Variants in NT5DC1 observed in about 807,000 individuals in gnomAD.
The protein encoded by NT5DC1 is 5'-nucleotidase domain-containing protein 1.
In NT5DC1, 42 loss-of-function variants were observed where a neutral mutation model predicts 59.4. The observed-to-expected ratio is 0.71, with a 90% CI of 0.55 to 0.92. The LOEUF (loss-of-function observed/expected upper bound fraction) is 0.92. Ranked by LOEUF, NT5DC1 falls within the 40% of genes least tolerant of loss-of-function variation. The pLI is 0.00. For synonymous variants in NT5DC1, 172 were observed against 188.1 expected, an observed-to-expected ratio of 0.91 and a Z score of 0.70; for missense variants, 501 against 537.1, an observed-to-expected ratio of 0.93 and a Z score of 0.66.
chr6:116,121,885 A>G, intron 6 of NT5DC1: 1 of 1,613,962 alleles, frequency 6.2e-7, no homozygotes, highest in Non-Finnish European at 8.5e-7. Flanking sequence ...CTGGTGGTCC[A>G]GAAGGACCTG....
Position 116,115,706 on chromosome 6 carries a change from A to G in NT5DC1, c.380A>G (p.Tyr127Cys). 6.3e-7 allele frequency: 1 copy of G among 1,595,082 alleles called. No individual in the cohort carries two copies. The highest frequency in any genetic ancestry group is 8.6e-7 in the Non-Finnish European group (1 of 1,162,842). ...MACRSGKYYF[Y>C]DNYFDLPGAL... is the part of the protein sequence containing the mutation. Reference sequence around the variant, plus strand: ...TCTTTTTTAGGAAAGTATTACTTTTACGACAACTACTTTGACCTGCCAGGA... The same window carrying G: ...TCTTTTTTAGGAAAGTATTACTTTTGCGACAACTACTTTGACCTGCCAGGA... The change falls in exon 5 of 12, where the codon TAC becomes TGC. Residue 127 changes from tyrosine to cysteine, a missense_variant. Transcript: ENST00000319550.
chr6:116,226,663 C>T (rs187486871), intron 8 of NT5DC1, among the ~76,000 whole-genome samples: 2 of 152,014 alleles, frequency 1.3e-5, no homozygotes, highest in African/African-American at 4.8e-5. Flanking sequence ...AAATATTATA[C>T]TCATCAAAAG....
chr6:116,157,157 A>G (rs1780216756), intron 6 of NT5DC1, among the ~76,000 whole-genome samples: 1 of 152,156 alleles, frequency 6.6e-6, no homozygotes, highest in Non-Finnish European at 1.5e-5. Flanking sequence ...CTTTGGTAAT[A>G]TGTGTATCCC....
At chr6:116,167,259 C>T (rs1780491425) in intron 6 of NT5DC1, among the ~76,000 whole-genome samples, 1 of 125,602 alleles carries the variant, frequency 8.0e-6, no homozygotes, top group Admixed American at 1.0e-4. Flanking sequence ...TGTCGCCAGG[C>T]TGGAGTGCAG....
At chr6:116,137,686 A>G (rs1270261305) in intron 6 of NT5DC1, 1 of 166,704 alleles carries the variant, frequency 6.0e-6, no homozygotes, top group Non-Finnish European at 1.3e-5. Flanking sequence ...AAATGCTATT[A>G]TTTACTGAAC....
chr6:116,232,424 G>A (rs1057457891), intron 8 of NT5DC1, among the ~76,000 whole-genome samples: 1 of 151,704 alleles, frequency 6.6e-6, no homozygotes, highest in Admixed American at 6.6e-5. Context: ...ACTCATATTC[G>A]TATTTGCTTT....
At chr6:116,217,672 C>T (rs1781713270) in intron 6 of NT5DC1, among the ~76,000 whole-genome samples, 1 of 151,890 alleles carries the variant, frequency 6.6e-6, no homozygotes, top group Admixed American at 6.6e-5. Flanking sequence ...CATACTCTTG[C>T]CTTGAATGTA....
At chr6:116,216,320 A>G (rs1781686687) in intron 6 of NT5DC1, among the ~76,000 whole-genome samples, 1 of 151,000 alleles carries the variant, frequency 6.6e-6, no homozygotes, top group Admixed American at 6.6e-5. Context: ...TCTGGTTTTT[A>G]TATTTTATAT....
intron 6 of NT5DC1, among the ~76,000 whole-genome samples, chr6:116,133,962 C>G (rs1192767857): frequency 6.6e-6 from 1 of 152,120 alleles, no homozygotes; most frequent in Non-Finnish European, 1.5e-5. Flanking sequence ...TGCTGAAATT[C>G]TTACTATCTT....
rs1562179773 is a variant in NT5DC1, at chr6:116,244,072, A to C, written c.*48A>C. 1.4e-6 allele frequency: 1 copy of C among 729,714 alleles called. No individual in the cohort carries two copies. The highest frequency in any genetic ancestry group is 2.3e-6 in the Non-Finnish European group (1 of 436,876). The allele number at this position is 729,714 out of a possible 1,614,324, so 45.2% of individuals were successfully genotyped here. On this transcript the variant is annotated 3_prime_UTR_variant, in exon 12 of 12. Coordinates refer to ENST00000319550, the MANE Select transcript of NT5DC1 (RefSeq NM_152729.3). ...GTGAAGACCCATATATGCAGTTAAA[A>C]AAAAGTTAATTTTCAAAAAATACTG...
At chr6:116,109,776 TTC>T (rs931109340) in intron 3 of NT5DC1, among the ~76,000 whole-genome samples, 2 of 152,228 alleles carry the variant, frequency 1.3e-5, no homozygotes, top group Non-Finnish European at 2.9e-5. Flanking sequence ...CTTATTTTAT[TTC>T]TTTTTTCCTT....
At chr6:116,233,476 C>T (rs986511297) in intron 8 of NT5DC1, among the ~76,000 whole-genome samples, 28 of 152,242 alleles carry the variant, frequency 1.8e-4, no homozygotes, top group Middle Eastern at 3.4e-3. Flanking sequence ...TGTTCGTTTG[C>T]GGGTGTCCTC....
rs1380715559 is a variant in NT5DC1, at chr6:116,110,997, T to C, written c.364+41T>C. The C allele has an allele frequency of 3.7e-6, 5 of 1,345,942 alleles. No homozygotes were observed. In the Admixed American group the frequency reaches 8.5e-5, roughly 23 times the overall value. 83.4% of individuals were successfully genotyped at this position (1,345,942 alleles called of 1,614,324 possible). A position where few individuals can be genotyped will look rare whatever the true frequency, so the allele number is the denominator to read the frequency against. Reference sequence around the variant, plus strand: ...GGCAGCTCCACCATCCGCTCCCTGTTTGTTTTGTACCCTAAACCTTTGATG... The same window carrying C: ...GGCAGCTCCACCATCCGCTCCCTGTCTGTTTTGTACCCTAAACCTTTGATG... On this transcript the variant is annotated intron_variant, in intron 4 of 11. Coordinates refer to ENST00000319550, the MANE Select transcript of NT5DC1 (RefSeq NM_152729.3).
At chr6:116,118,856 G>T (rs368118628) in intron 6 of NT5DC1, 4 of 152,154 alleles carry the variant, frequency 2.6e-5, no homozygotes, top group Non-Finnish European at 4.4e-5. Context: ...GAGTGGTTGG[G>T]TCTGTGGGAA....
rs869160753 is a variant in NT5DC1, at chr6:116,118,067, ATT to A, written c.529+123_529+124del. The A allele has an allele frequency of 6.9e-5, 48 of 694,834 alleles. No individual in the cohort carries two copies. In the African/African-American group the frequency reaches 8.0e-4, roughly 12 times the overall value. 43.0% of individuals were successfully genotyped at this position (694,834 alleles called of 1,614,324 possible). A position where few individuals can be genotyped will look rare whatever the true frequency, so the allele number is the denominator to read the frequency against. ...CTTAGGATTTAATTTAAGCTTAAAT[ATT>A]ATTATAAAGTTGGTTCTGACTACAT... On this transcript the variant is annotated intron_variant, in intron 6 of 11. Coordinates refer to ENST00000319550, the MANE Select transcript of NT5DC1 (RefSeq NM_152729.3).
Position 116,249,084 on chromosome 6 carries a change from AAATC to A in NT5DC1, c.*5066_*5069del, listed in dbSNP as rs1164071205. 6.6e-6 allele frequency: 1 copy of A among 152,270 alleles called. No individual in the cohort carries two copies. 9.4% of individuals were successfully genotyped at this position (152,270 alleles called of 1,614,324 possible). On this transcript the variant is annotated 3_prime_UTR_variant, in exon 12 of 12. Coordinates refer to ENST00000319550, the MANE Select transcript of NT5DC1 (RefSeq NM_152729.3). ...TTGAAACAGGTGGCTGACAATGCAG[AAATC>A]AATCACTGAACTGAAAAGGTAAAAT...
chr6:116,193,295 T>C (rs1327067054), intron 6 of NT5DC1, among the ~76,000 whole-genome samples: 1 of 151,982 alleles, frequency 6.6e-6, no homozygotes, highest in Non-Finnish European at 1.5e-5. Flanking sequence ...CTTATAGGAG[T>C]GCTGTGATAA....
At chr6:116,122,007 G>T in intron 6 of NT5DC1, 2 of 1,525,348 alleles carry the variant, frequency 1.3e-6, no homozygotes, top group Non-Finnish European at 1.8e-6. Context: ...GGGATGGTTA[G>T]TGACATTAAA....
intron 6 of NT5DC1, among the ~76,000 whole-genome samples, chr6:116,161,276 G>T (rs959916058): frequency 7.3e-5 from 11 of 151,568 alleles, no homozygotes; most frequent in Admixed American, 2.0e-4. Context: ...CACCAGCATG[G>T]CACATGTATA....
Sources: allele counts gnomAD v4.1 joint callset (sites outside exome capture counted in the v4.1 genomes callset), GRCh38; gene constraint gnomAD v4.1.1; transcripts MANE v1.5; gene names NCBI Gene and HGNC (gene_info 2026-07-23, HGNC 2026-07-21).